The following TESK2 variants were observed in gnomAD, a reference collection of about 807,000 sequenced individuals.
TESK2 encodes the protein testis associated actin remodelling kinase 2.
A neutral mutation model predicts 57.1 loss-of-function variants in TESK2; 39 were observed. The ratio of observed to expected loss-of-function variants is 0.68; its 90% CI spans 0.53 to 0.89. The LOEUF (loss-of-function observed/expected upper bound fraction) is 0.89. Among genes scored for constraint, TESK2 ranks in the 40% least tolerant of loss-of-function variants. TESK2 has a pLI of 0.00. For synonymous variants in TESK2, 249 were observed against 267.9 expected (o/e 0.93, Z 0.69); for missense variants, 646 against 732.1 (o/e 0.88, Z 1.36).
At chr1:45,384,604 T>TTTTTTTTG (rs1648809316) in intron 4 of TESK2, among the ~76,000 whole-genome samples, 1 of 68,328 alleles carries the variant, frequency 1.5e-5, no homozygotes, top group Non-Finnish European at 3.0e-5. Context: ...TTTTTTTTTT[T>TTTTTTTTG]TTTTTTTTTT....
chr1:45,450,743 GTATT>G (rs1035096454), intron 2 of TESK2, among the ~76,000 whole-genome samples: 1 of 151,148 alleles, frequency 6.6e-6, no homozygotes, highest in Non-Finnish European at 1.5e-5. Context: ...TGTTTATTTT[GTATT>G]TATTTATTTA....
chr1:45,403,259 A>G (rs1210593538), intron 3 of TESK2, among the ~76,000 whole-genome samples: 1 of 152,066 alleles, frequency 6.6e-6, no homozygotes, highest in Non-Finnish European at 1.5e-5. Flanking sequence ...GAAAGAAAGA[A>G]AAAGATGAAG....
intron 1 of TESK2, among the ~76,000 whole-genome samples, chr1:45,473,144 C>T (rs1446397967): frequency 7.1e-6 from 1 of 140,374 alleles, no homozygotes; most frequent in East Asian, 2.0e-4. Context: ...AGTAAGACTC[C>T]GTCTCAAAAA....
At chr1:45,405,267 C>T (rs1219086929) in intron 3 of TESK2, among the ~76,000 whole-genome samples, 1 of 152,142 alleles carries the variant, frequency 6.6e-6, no homozygotes, top group Non-Finnish European at 1.5e-5. Context: ...ATCTCCTGAT[C>T]TCCCATTTCC....
chr1:45,353,145 G>T (rs994865975), intron 5 of TESK2, among the ~76,000 whole-genome samples: 1 of 152,058 alleles, frequency 6.6e-6, no homozygotes, highest in Non-Finnish European at 1.5e-5. Context: ...TGATCTGCCC[G>T]CCTCGGCCTC....
chr1:45,446,738 A>G (rs1651661417), intron 2 of TESK2, among the ~76,000 whole-genome samples: 1 of 152,222 alleles, frequency 6.6e-6, no homozygotes, highest in Non-Finnish European at 1.5e-5. Flanking sequence ...TAAAGCTATC[A>G]GCAGGCTTGG....
intron 4 of TESK2, among the ~76,000 whole-genome samples, chr1:45,378,527 A>C (rs1046927253): frequency 1.3e-5 from 2 of 152,216 alleles, no homozygotes; most frequent in Non-Finnish European, 2.9e-5. Flanking sequence ...AGAAGAACCA[A>C]GGAGTACCAT....
chr1:45,383,836 T>C (rs1264831517), intron 4 of TESK2, among the ~76,000 whole-genome samples: 1 of 152,160 alleles, frequency 6.6e-6, no homozygotes. Context: ...ACATGGCAAA[T>C]GTTTCTTGAT....
At chr1:45,355,902 C>T (rs1315608769) in intron 4 of TESK2, among the ~76,000 whole-genome samples, 1 of 152,014 alleles carries the variant, frequency 6.6e-6, no homozygotes, top group Non-Finnish European at 1.5e-5. Context: ...TCGATATGGC[C>T]AGAGTGCATT....
chr1:45,346,999 C>T lies in TESK2; in HGVS notation c.772G>A (p.Asp258Asn). The T allele has an allele frequency of 6.2e-7, 1 of 1,614,194 alleles. No homozygotes were observed. Among genetic ancestry groups the T allele is most frequent in the East Asian group, 2.2e-5 (1 of 44,890 alleles). Reference protein sequence around the residue: ...EIIARIQADPDYLPRTENFGL... With the variant: ...EIIARIQADPNYLPRTENFGL... Reference sequence around the variant, plus strand: ...CTCACCTCTGTGCGGGGAAGATAGTCCGGATCGGCCTGGATGCGGGCGATG... The same window carrying T: ...CTCACCTCTGTGCGGGGAAGATAGTTCGGATCGGCCTGGATGCGGGCGATG... Residue 258 changes from aspartate (D) to asparagine (N), a missense_variant, in exon 8 of 11, where the codon GAC becomes AAC. Transcript: ENST00000372086.
chr1:45,355,213 CT>C, intron 5 of TESK2, 89 bp downstream of exon 5: 1 of 1,412,806 alleles, frequency 7.1e-7, no homozygotes, highest in Non-Finnish European at 9.7e-7. Context: ...ATTATGTCCT[CT>C]GTGATTAAAT....
In TESK2 at chr1:45,476,477, G is replaced by A. The variant is rs571778066; in HGVS notation, c.-87+14375C>T. ...AGTCAAGATGACACCACCGCACTCC[G>A]GCCTCGGCACTAGAGCAAGACCAAT... On this transcript the variant is annotated intron_variant, in intron 1 of 10. Transcript: ENST00000372086. Among the ~76,000 whole-genome samples the A allele has an allele frequency of 1.5e-4, 22 of 151,444 alleles. No individual in the cohort carries two copies. In the South Asian group the frequency reaches 3.3e-3, roughly 23 times the overall value.
chr1:45,404,693 G>A (rs1383497609), intron 3 of TESK2, among the ~76,000 whole-genome samples: 5 of 151,718 alleles, frequency 3.3e-5, no homozygotes, highest in Non-Finnish European at 7.4e-5. Flanking sequence ...ACAGGCATGC[G>A]CCACCACGCC....
chr1:45,396,474 G>C (rs986995476), intron 3 of TESK2, among the ~76,000 whole-genome samples: 1 of 152,012 alleles, frequency 6.6e-6, no homozygotes, highest in Non-Finnish European at 1.5e-5. Flanking sequence ...CGATGATAAT[G>C]ATGATGGTAT....
chr1:45,368,793 G>C (rs1420409441), intron 4 of TESK2, among the ~76,000 whole-genome samples: 1 of 151,868 alleles, frequency 6.6e-6, no homozygotes, highest in Non-Finnish European at 1.5e-5. Flanking sequence ...TTGTTGCCCA[G>C]GCTGGAGTGC....
chr1:45,386,206 G>A (rs915276938), intron 3 of TESK2, among the ~76,000 whole-genome samples: 5 of 151,984 alleles, frequency 3.3e-5, no homozygotes, highest in Non-Finnish European at 5.9e-5. Flanking sequence ...TTAGGCAGGT[G>A]TGGTGGCATG....
chr1:45,466,302 C>A (rs1652549258), intron 1 of TESK2, among the ~76,000 whole-genome samples: 1 of 152,108 alleles, frequency 6.6e-6, no homozygotes. Flanking sequence ...TGGTGAAACC[C>A]TGTATCTACT....
chr1:45,362,661 C>A (rs1647732989), intron 4 of TESK2, among the ~76,000 whole-genome samples: 1 of 152,148 alleles, frequency 6.6e-6, no homozygotes, highest in Non-Finnish European at 1.5e-5. Context: ...GGAGTTAGGG[C>A]ATTTACCCAA....
intron 1 of TESK2, among the ~76,000 whole-genome samples, chr1:45,483,692 G>C (rs574259795): frequency 4.4e-4 from 67 of 152,180 alleles, no homozygotes; most frequent in Middle Eastern, 6.8e-3. Context: ...GGCGGCGGAG[G>C]GGGGGTCAAA....
Sources: allele counts gnomAD v4.1 joint callset (sites outside exome capture counted in the v4.1 genomes callset), GRCh38; gene constraint gnomAD v4.1.1; transcripts MANE v1.5; gene names NCBI Gene and HGNC (gene_info 2026-07-23, HGNC 2026-07-21).